The following SGMS1 variants were observed in gnomAD, a reference collection of about 807,000 sequenced individuals.
SGMS1 encodes phosphatidylcholine:ceramide cholinephosphotransferase 1.
SGMS1 carries 13 observed loss-of-function variants against 46.2 expected under a neutral mutation model. The ratio of observed to expected loss-of-function variants is 0.28; its 90% CI spans 0.18 to 0.45. The LOEUF is 0.45. SGMS1 is among the 20% of genes least tolerant of loss of function. SGMS1 has a pLI of 1.00. For missense variants in SGMS1, 324 were observed against 519.9 expected, an observed-to-expected ratio of 0.62 and a Z score of 3.66; for synonymous variants, 203 against 187.8, an observed-to-expected ratio of 1.08 and a Z score of -0.66.
chr10:50,556,645 G>A (rs571454450), intron 2 of SGMS1, among the ~76,000 whole-genome samples: 2 of 152,296 alleles, frequency 1.3e-5, no homozygotes, highest in East Asian at 3.9e-4. Context: ...CCGCACAGAC[G>A]CAGCAACAAC....
chr10:50,494,758 C>G (rs1017493476), intron 3 of SGMS1, among the ~76,000 whole-genome samples: 2 of 152,068 alleles, frequency 1.3e-5, no homozygotes, highest in Admixed American at 1.3e-4. Context: ...AGAAAAAGGC[C>G]GGGCGCGGTG....
intron 2 of SGMS1, among the ~76,000 whole-genome samples, chr10:50,558,299 G>T (rs184501035): frequency 3.9e-5 from 6 of 152,230 alleles, no homozygotes; most frequent in African/African-American, 1.2e-4. Flanking sequence ...TTTATTTGCA[G>T]ATTTTTTAAA....
rs539640959 is a variant in SGMS1, at chr10:50,456,894, T to C, written c.-313+3779A>G. 3.9e-5 allele frequency among the ~76,000 whole-genome samples: 6 copies of C among 152,312 alleles called. No individual in the cohort carries two copies. The East Asian group carries it at 1.2e-3, about 29-fold the overall frequency. On this transcript the variant is annotated intron_variant, in intron 5 of 10. Transcript: ENST00000361781. Reference sequence around the variant, plus strand: ...TCCCAGTCAAAAGAGAATTTTCCCATGCTACAGTCATGCACAGCGCTTGTA... The same window carrying C: ...TCCCAGTCAAAAGAGAATTTTCCCACGCTACAGTCATGCACAGCGCTTGTA...
chr10:50,341,518 A>C, intron 7 of SGMS1: 1 of 446,492 alleles, frequency 2.2e-6, no homozygotes, highest in Non-Finnish European at 4.5e-6. Context: ...AAAATTCAAT[A>C]TAATTGGCCC....
rs566595130 is a variant in SGMS1 at position 50,381,168 on chromosome 10, A to T, written c.-231-36823T>A. 5.8e-4 allele frequency among the ~76,000 whole-genome samples: 89 copies of T among 152,198 alleles called. 1 individual carries two copies. Among genetic ancestry groups the T allele is most frequent in the Non-Finnish European group, 1.1e-3 (76 of 68,000 alleles). On this transcript the variant is annotated intron_variant, in intron 6 of 10. Coordinates refer to ENST00000361781, the MANE Select transcript of SGMS1 (RefSeq NM_147156.4). ...AGAAAACAAACAAACAAACAAACAA[A>T]TACTAATGAACATTAAAACAAATAT...
intron 3 of SGMS1, among the ~76,000 whole-genome samples, chr10:50,482,936 C>T (rs1218347210): frequency 1.3e-5 from 2 of 152,104 alleles, no homozygotes; most frequent in African/African-American, 4.8e-5. Flanking sequence ...GGCTTCAAAC[C>T]AACAAAGATC....
intron 6 of SGMS1, among the ~76,000 whole-genome samples, chr10:50,425,426 T>A (rs1018999025): frequency 6.6e-6 from 1 of 152,166 alleles, no homozygotes; most frequent in Non-Finnish European, 1.5e-5. Flanking sequence ...TAAAAAAGAA[T>A]GAAATCATGT....
intron 6 of SGMS1, among the ~76,000 whole-genome samples, chr10:50,388,466 T>C (rs1409376398): frequency 3.0e-5 from 4 of 133,910 alleles, no homozygotes; most frequent in Admixed American, 1.5e-4. Flanking sequence ...AAACCCTGTC[T>C]CTACTAAAAA....
chr10:50,580,455 T>G (rs534205445), intron 2 of SGMS1, among the ~76,000 whole-genome samples: 1 of 148,666 alleles, frequency 6.7e-6, no homozygotes, highest in South Asian at 2.2e-4. Context: ...CCCTCACTTA[T>G]AGAGACAAGG....
At chr10:50,480,775 G>C (rs932531879) in intron 3 of SGMS1, among the ~76,000 whole-genome samples, 3 of 152,156 alleles carry the variant, frequency 2.0e-5, no homozygotes, top group Admixed American at 2.0e-4. Flanking sequence ...TCCTGTCGGG[G>C]GGCGGGGGCA....
chr10:50,350,272 G>A (rs1341222982), intron 6 of SGMS1, among the ~76,000 whole-genome samples: 1 of 152,196 alleles, frequency 6.6e-6, no homozygotes. Flanking sequence ...TTTCTAAGCA[G>A]TAAAGCATTT....
intron 6 of SGMS1, among the ~76,000 whole-genome samples, chr10:50,351,592 A>T (rs1202318902): frequency 1.3e-5 from 2 of 152,152 alleles, no homozygotes; most frequent in Non-Finnish European, 2.9e-5. Flanking sequence ...TGCTGTTGTC[A>T]TGGTAGTGAA....
chr10:50,561,520 T>C (rs142231617), intron 2 of SGMS1, among the ~76,000 whole-genome samples: 4 of 152,216 alleles, frequency 2.6e-5, no homozygotes, highest in Middle Eastern at 3.2e-3. Context: ...GTTCGTCACA[T>C]TGATGCCAAT....
chr10:50,587,710 G>C (rs1287575153), intron 2 of SGMS1, among the ~76,000 whole-genome samples: 1 of 149,838 alleles, frequency 6.7e-6, no homozygotes, highest in African/African-American at 2.5e-5. Context: ...AAGGCTTCCA[G>C]TCAACAGTAG....
chr10:50,346,453 G>C (rs1255175875), intron 6 of SGMS1, among the ~76,000 whole-genome samples: 1 of 152,046 alleles, frequency 6.6e-6, no homozygotes, highest in Non-Finnish European at 1.5e-5. Flanking sequence ...CTATTTCCCT[G>C]AGTATGTTTT....
At chr10:50,474,840 C>G (rs1411584780) in intron 3 of SGMS1, among the ~76,000 whole-genome samples, 1 of 152,122 alleles carries the variant, frequency 6.6e-6, no homozygotes, top group Non-Finnish European at 1.5e-5. Context: ...ATGCTACAAC[C>G]TTAACCATAC....
chr10:50,475,044 T>C (rs1416076146), intron 3 of SGMS1, among the ~76,000 whole-genome samples: 1 of 152,208 alleles, frequency 6.6e-6, no homozygotes, highest in East Asian at 1.9e-4. Context: ...TGTCCAAGAC[T>C]GAGAAATGGG....
intron 2 of SGMS1, among the ~76,000 whole-genome samples, chr10:50,561,097 A>G (rs992766635): frequency 6.6e-6 from 1 of 152,216 alleles, no homozygotes; most frequent in African/African-American, 2.4e-5. Flanking sequence ...TACAATTGAC[A>G]GAAACATAAT....
chr10:50,401,948 T>C (rs1225374409), intron 6 of SGMS1, among the ~76,000 whole-genome samples: 1 of 152,224 alleles, frequency 6.6e-6, no homozygotes, highest in Non-Finnish European at 1.5e-5. Flanking sequence ...AAGATTAAGC[T>C]AAAGATGCAA....
Sources: gnomAD v4.1 joint callset for allele counts (sites outside exome capture counted in the v4.1 genomes callset) on GRCh38, gnomAD v4.1.1 for gene constraint, MANE v1.5 for transcripts, NCBI Gene and HGNC (gene_info 2026-07-23, HGNC 2026-07-21) for gene names.